The following CEP57 variants were observed in gnomAD, a reference collection of about 807,000 sequenced individuals.
CEP57 encodes the protein centrosomal protein of 57 kDa.
A neutral mutation model predicts 68.0 loss-of-function variants in CEP57; 40 were observed. The observed-to-expected ratio is 0.59, with a 90% CI of 0.46 to 0.77. The LOEUF (loss-of-function observed/expected upper bound fraction) is 0.77. Ranked by LOEUF, CEP57 falls within the 30% of genes least tolerant of loss-of-function variation. The pLI, the probability that CEP57 is intolerant of heterozygous loss-of-function variation, is 0.00. For missense variants in CEP57, 606 were observed against 580.7 expected, an observed-to-expected ratio of 1.04 and a Z score of -0.45; for synonymous variants, 219 against 198.7, an observed-to-expected ratio of 1.10 and a Z score of -0.86.
chr11:95,791,718 A>C (rs1159682936), intron 1 of CEP57, among the ~76,000 whole-genome samples: 1 of 152,178 alleles, frequency 6.6e-6, no homozygotes, highest in Non-Finnish European at 1.5e-5. Flanking sequence ...CCTAGAAGGG[A>C]AGATGGAGCT....
At chr11:95,808,967 C>T (rs968481083) in intron 2 of CEP57, among the ~76,000 whole-genome samples, 2 of 152,192 alleles carry the variant, frequency 1.3e-5, no homozygotes, top group Non-Finnish European at 2.9e-5. Flanking sequence ...AAGCACTCCT[C>T]AGCAAATGTA....
chr11:95,791,887 T>A (rs1442981032), intron 1 of CEP57, among the ~76,000 whole-genome samples: 1 of 151,992 alleles, frequency 6.6e-6, no homozygotes, highest in African/African-American at 2.4e-5. Context: ...TAGAGCTGGA[T>A]GAGGTGAATT....
rs780780494 is a variant in CEP57 at position 95,813,592 on chromosome 11, A to G, written c.504+3A>G. 1 of 1,612,600 alleles carries G rather than the reference A, an allele frequency of 6.2e-7. No individual in the cohort carries two copies. Among genetic ancestry groups the G allele is most frequent in the East Asian group, 2.2e-5 (1 of 44,820 alleles). On this transcript the variant is annotated splice_donor_region_variant and intron_variant, in intron 4 of 10. Coordinates refer to ENST00000325542, the MANE Select transcript of CEP57 (RefSeq NM_014679.5). The stretch of plus-strand genomic sequence containing the variant: ...GGACATCTGTCTTAGAGAAACAAGT[A>G]AGTAAAGCACCTCACAGATTGATAC...
At chr11:95,820,381 T>C (rs1248255136) in intron 6 of CEP57, among the ~76,000 whole-genome samples, 1 of 151,700 alleles carries the variant, frequency 6.6e-6, no homozygotes, top group East Asian at 1.9e-4. Context: ...GGTCAGGAGT[T>C]TGAGGTCAGG....
chr11:95,813,184 G>C, intron 3 of CEP57, 73 bp downstream of exon 3: 1 of 1,413,060 alleles, frequency 7.1e-7, no homozygotes, highest in Non-Finnish European at 9.8e-7. Flanking sequence ...AAAAGAAATA[G>C]TACATTAGTG....
chr11:95,794,972 G>C (rs1437289200), intron 1 of CEP57, among the ~76,000 whole-genome samples: 1 of 152,126 alleles, frequency 6.6e-6, no homozygotes, highest in Non-Finnish European at 1.5e-5. Flanking sequence ...TTCCATATGT[G>C]TATGGGTGTG....
At chr11:95,793,975 A>T (rs1259418501) in intron 1 of CEP57, among the ~76,000 whole-genome samples, 2 of 152,312 alleles carry the variant, frequency 1.3e-5, no homozygotes, top group African/African-American at 4.8e-5. Context: ...ATCCTTCTGT[A>T]ATGACCACGT....
rs140320103 is a variant in CEP57 at position 95,827,849 on chromosome 11, C to T, written c.949C>T (p.His317Tyr). 3.7e-4 allele frequency: 598 copies of T among 1,614,012 alleles called. No individual in the cohort carries two copies. Among genetic ancestry groups the T allele is most frequent in the Non-Finnish European group, 4.7e-4 (560 of 1,179,942 alleles). ...VQLVLHLMKQ[H>Y]SKALCNDRVI... ...GCTTGTCTTGCATCTAATGAAGCAA[C>T]ACAGTAAAGCTTTGTGCAATGATCG... Residue 317 changes from histidine (H) to tyrosine (Y), a missense_variant, in exon 9 of 11, where the codon CAC becomes TAC. Physicochemically the swap from His to Tyr is moderately conservative, Grantham distance 83. Coordinates refer to ENST00000325542, the MANE Select transcript of CEP57 (RefSeq NM_014679.5).
intron 2 of CEP57, 80 bp from the exon 3 acceptor site, chr11:95,812,852 T>G (rs1210099299): frequency 1.6e-6 from 2 of 1,266,362 alleles, no homozygotes; most frequent in African/African-American, 2.9e-5. Flanking sequence ...TATTTTTTAT[T>G]TAGATGAGTT....
intron 2 of CEP57, among the ~76,000 whole-genome samples, chr11:95,812,328 A>G (rs1450083114): frequency 6.6e-6 from 1 of 152,116 alleles, no homozygotes; most frequent in Non-Finnish European, 1.5e-5. Flanking sequence ...TGATTGGCTA[A>G]ATTTTTTACC....
chr11:95,797,338 T>G (rs973825084), intron 1 of CEP57, among the ~76,000 whole-genome samples: 4 of 151,978 alleles, frequency 2.6e-5, no homozygotes, highest in Admixed American at 2.6e-4. Context: ...ACTAATTTCT[T>G]TGTATTTTAG....
intron 5 of CEP57, 76 bp from the exon 6 acceptor site, chr11:95,818,751 C>A: frequency 9.2e-7 from 1 of 1,092,186 alleles, no homozygotes. Context: ...TTTACATGTT[C>A]CAGTGCTGCT....
intron 5 of CEP57, 149 bp downstream of exon 5, chr11:95,818,052 G>A: frequency 1.6e-6 from 1 of 619,584 alleles, no homozygotes; most frequent in South Asian, 1.9e-5. Context: ...ATATAAATTT[G>A]GAGAGAATGT....
At chr11:95,809,551 A>G (rs1861959033) in intron 2 of CEP57, among the ~76,000 whole-genome samples, 1 of 152,234 alleles carries the variant, frequency 6.6e-6, no homozygotes, top group Admixed American at 6.5e-5. Context: ...ACAGACTACC[A>G]TCAGCGAATA....
At chr11:95,804,234 A>C (rs1861698342) in intron 2 of CEP57, among the ~76,000 whole-genome samples, 1 of 152,236 alleles carries the variant, frequency 6.6e-6, no homozygotes, top group African/African-American at 2.4e-5. Context: ...ACTACTGTCA[A>C]ACAGTTAGTA....
At chr11:95,801,469 AT>A (rs1455093792) in intron 2 of CEP57, among the ~76,000 whole-genome samples, 11 of 150,852 alleles carry the variant, frequency 7.3e-5, no homozygotes, top group Non-Finnish European at 1.5e-4. Flanking sequence ...AAAAAAAAAA[AT>A]GACTGAAGCC....
chr11:95,822,693 G>GTGGATCATGCCTTTACCAGTGTA, intron 8 of CEP57, 117 bp downstream of exon 8: 1 of 867,428 alleles, frequency 1.2e-6, no homozygotes, highest in Non-Finnish European at 1.9e-6. Context: ...TTACCAGTGT[G>GTGGATCATGCCTTTACCAGTGTA]TGGATCACAG....
chr11:95,812,796 T>C, intron 2 of CEP57, 136 bp from the exon 3 acceptor site: 2 of 814,316 alleles, frequency 2.5e-6, no homozygotes, highest in Non-Finnish European at 4.2e-6. Context: ...ATTAACATTT[T>C]ATTGTTCCCA....
At chr11:95,790,844 TCTG>T in intron 1 of CEP57, 101 bp downstream of exon 1, 1 of 1,394,706 alleles carries the variant, frequency 7.2e-7, no homozygotes, top group Non-Finnish European at 1.0e-6. Flanking sequence ...CTGACGCAAT[TCTG>T]GAGGTCGGCG....
Sources: allele counts gnomAD v4.1 joint callset (sites outside exome capture counted in the v4.1 genomes callset), GRCh38; gene constraint gnomAD v4.1.1; transcripts MANE v1.5; gene names NCBI Gene and HGNC (gene_info 2026-07-23, HGNC 2026-07-21).